Variants in CYP2E1 observed in about 807,000 individuals in gnomAD.
CYP2E1 encodes the protein cytochrome P450 2E1.
CYP2E1 carries 31 observed loss-of-function variants against 42.9 expected under a neutral mutation model. That is an observed-to-expected ratio of 0.72 (90% confidence interval 0.54 to 0.98). CYP2E1 has a LOEUF of 0.98. Among genes scored for constraint, CYP2E1 ranks in the 50% least tolerant of loss-of-function variants. CYP2E1 has a pLI of 0.00. For missense variants in CYP2E1, 565 were observed against 633.2 expected, an observed-to-expected ratio of 0.89 and a Z score of 1.16; for synonymous variants, 244 against 248.9, an observed-to-expected ratio of 0.98 and a Z score of 0.19.
chr10:133,531,753 G>C lies in CYP2E1; in HGVS notation c.487+19G>C, dbSNP rs1554902652. The C allele has an allele frequency of 2.6e-6, 4 of 1,567,100 alleles. No homozygotes were observed. The highest frequency in any genetic ancestry group is 2.6e-6 in the Non-Finnish European group (3 of 1,158,214). ...ACCCAAGGTGCGTATCTGCTGCCTA[G>C]CAGGGCCCAGTCCTCTTGCAGACCA... is the stretch of plus-strand genomic sequence containing the variant. On this transcript the variant is annotated intron_variant, in intron 3 of 8. Coordinates refer to ENST00000252945, the MANE Select transcript of CYP2E1 (RefSeq NM_000773.4).
rs902445166 is a variant in CYP2E1, at chr10:133,534,012, G to A, written c.967+115G>A. ...GAAGCTGCTTGTTAACCCTCATGGT[G>A]ATGTGGTGAGATGGCTAGATGCACT... On this transcript the variant is annotated intron_variant, in intron 6 of 8. Transcript: ENST00000252945. The A allele has an allele frequency of 1.2e-4, 128 of 1,107,174 alleles. 2 individuals are homozygous for A. The highest frequency in any genetic ancestry group is 1.1e-3 in the Middle Eastern group (5 of 4,398). 68.6% of individuals were successfully genotyped at this position (1,107,174 alleles called of 1,614,324 possible). A position where few individuals can be genotyped will look rare whatever the true frequency, so the allele number is the denominator to read the frequency against.
chr10:133,528,313 C>T, intron 1 of CYP2E1, 168 bp from the exon 2 acceptor site: 2 of 746,528 alleles, frequency 2.7e-6, no homozygotes, highest in Non-Finnish European at 4.2e-6. Context: ...GCAGCAGCCT[C>T]TTGAGGGGAG....
At chr10:133,531,541 A>T (rs1266651923) in intron 2 of CYP2E1, 44 bp from the exon 3 acceptor site, 5 of 1,611,734 alleles carry the variant, frequency 3.1e-6, no homozygotes, top group Admixed American at 1.7e-5. Context: ...TTTCTCCCCA[A>T]AATGGGTATT....
intron 2 of CYP2E1, 150 bp downstream of exon 2, chr10:133,528,790 T>C: frequency 9.1e-7 from 1 of 1,094,440 alleles, no homozygotes; most frequent in Non-Finnish European, 1.3e-6. Context: ...ATTAGGGCGA[T>C]GGCCCCCGCG....
At chr10:133,534,603 G>T (rs1339132103) in intron 6 of CYP2E1, among the ~76,000 whole-genome samples, 3 of 152,178 alleles carry the variant, frequency 2.0e-5, no homozygotes, top group Non-Finnish European at 4.4e-5. Context: ...GTGCCGGGGG[G>T]CCCAGAGCCC....
intron 7 of CYP2E1, 37 bp from the exon 8 acceptor site, chr10:133,537,714 T>C (rs1397376840): frequency 6.3e-7 from 1 of 1,589,274 alleles, no homozygotes; most frequent in Admixed American, 1.8e-5. Context: ...CACATTTTGT[T>C]AACATGACTC....
In CYP2E1 at chr10:133,537,707, A is replaced by G. The variant is rs761846732; in HGVS notation, c.1156-44A>G. 3.0e-5 allele frequency: 47 copies of G among 1,576,982 alleles called. No individual in the cohort carries two copies. In the East Asian group the frequency reaches 6.3e-4, roughly 21 times the overall value. On this transcript the variant is annotated intron_variant, in intron 7 of 8. Transcript: ENST00000252945. ...TGGGGGTTTCCAGATGAAAGCCCAC[A>G]TTTTGTTAACATGACTCACTGAGAC...
chr10:133,528,571 C>T lies in CYP2E1; in HGVS notation c.268C>T (p.Leu90=). 1.9e-6 allele frequency: 3 copies of T among 1,613,586 alleles called. No individual in the cohort carries two copies. The highest frequency in any genetic ancestry group is 1.1e-5 in the South Asian group (1 of 91,078). ...MHGYKAVKEA[L]LDYKDEFSGR... The stretch of plus-strand genomic sequence containing the variant: ...CGGCTACAAGGCGGTGAAGGAAGCG[C>T]TGCTGGACTACAAGGACGAGTTCTC... Residue 90 remains leucine, a synonymous_variant, in exon 2 of 9, where the codon CTG becomes TTG. Coordinates refer to ENST00000252945, the MANE Select transcript of CYP2E1 (RefSeq NM_000773.4).
rs1377748643 is a variant in CYP2E1 at position 133,532,691 on chromosome 10, G to T, written c.649-1G>T. The stretch of plus-strand genomic sequence containing the variant: ...AGTAAAATATTTTTTTCCCTCTCTA[G>T]CTTTACAATAATTTTCCCAGCTTTC... On this transcript the variant is annotated splice_acceptor_variant, in intron 4 of 8. Coordinates refer to ENST00000252945, the MANE Select transcript of CYP2E1 (RefSeq NM_000773.4). LOFTEE classifies it high-confidence loss of function. 2 of 1,589,006 alleles carry T rather than the reference G, an allele frequency of 1.3e-6. No homozygotes were observed. Among genetic ancestry groups the T allele is most frequent in the Admixed American group, 1.9e-5 (1 of 53,468 alleles).
chr10:133,534,938 C>T (rs941236446), intron 6 of CYP2E1, among the ~76,000 whole-genome samples: 4 of 151,622 alleles, frequency 2.6e-5, no homozygotes, highest in Non-Finnish European at 5.9e-5. Flanking sequence ...AATCATGGCT[C>T]ATTGTAGCTT....
At chr10:133,529,339 C>T (rs1851310462) in intron 2 of CYP2E1, among the ~76,000 whole-genome samples, 1 of 152,222 alleles carries the variant, frequency 6.6e-6, no homozygotes, top group Non-Finnish European at 1.5e-5. Flanking sequence ...CTTCAGACCT[C>T]AGCGAGGCGG....
chr10:133,527,664 G>A, intron 1 of CYP2E1, 92 bp downstream of exon 1: 1 of 1,035,444 alleles, frequency 9.7e-7, no homozygotes, highest in South Asian at 1.5e-5. Flanking sequence ...AATTGTGGTT[G>A]TTCAATACCA....
rs1176734765 is a variant in CYP2E1 at position 133,538,908 on chromosome 10, A to G, written c.1426A>G (p.Ile476Val). The change falls in exon 9 of 9, where the codon ATT becomes GTT. Residue 476 changes from isoleucine to valine, a missense_variant. By Grantham distance (29) the Ile-to-Val change is conservative (BLOSUM62 3). Transcript: ENST00000252945. ...GGATATCGACCTCAGCCCTATACAT[A>G]TTGGGTTTGGCTGTATCCCACCACG... ...PKDIDLSPIHIGFGCIPPRYK... is the reference protein window; with the variant it reads ...PKDIDLSPIHVGFGCIPPRYK... 1.2e-6 allele frequency: 2 copies of G among 1,613,760 alleles called. No homozygotes were observed. The highest frequency in any genetic ancestry group is 1.1e-5 in the South Asian group (1 of 91,002).
At chr10:133,535,504 T>C (rs188262864) in intron 6 of CYP2E1, among the ~76,000 whole-genome samples, 1 of 152,198 alleles carries the variant, frequency 6.6e-6, no homozygotes, top group Admixed American at 6.5e-5. Flanking sequence ...ATGTGAAGGG[T>C]GAAGGAGCCA....
Position 133,533,760 on chromosome 10 carries a change from A to T in CYP2E1, c.830A>T (p.Lys277Met). The change falls in exon 6 of 9, where the codon AAG (lysine) becomes ATG (methionine). Residue 277 changes from lysine to methionine, a missense_variant. By Grantham distance (95) the Lys-to-Met change is moderately conservative (BLOSUM62 -1). Transcript: ENST00000252945. ...GGTCTGTCTCCGGTATCACAGGAAA[A>T]GCACAGTGCAGAGCGCTTGTACACA... ...DCLLVEMEKE[K>M]HSAERLYTMD... 1 of 1,613,790 alleles carries T rather than the reference A, an allele frequency of 6.2e-7. No homozygotes were observed. Among genetic ancestry groups the T allele is most frequent in the Non-Finnish European group, 8.5e-7 (1 of 1,179,844 alleles).
At chr10:133,527,617 G>T (rs775151491) in intron 1 of CYP2E1, 45 bp downstream of exon 1, 1 of 1,493,212 alleles carries the variant, frequency 6.7e-7, no homozygotes, top group South Asian at 1.2e-5. Context: ...CTCAGCAATT[G>T]GATCTGGTAT....
At chr10:133,534,014 T>C in intron 6 of CYP2E1, 117 bp downstream of exon 6, 1 of 1,115,948 alleles carries the variant, frequency 9.0e-7, no homozygotes, top group Non-Finnish European at 1.3e-6. Flanking sequence ...CTCATGGTGA[T>C]GTGGTGAGAT....
rs371128346 is a variant in CYP2E1, at chr10:133,538,889, C to T, written c.1407C>T (p.Ile469=). 8.7e-6 allele frequency: 14 copies of T among 1,613,728 alleles called. No individual in the cohort carries two copies. The highest frequency in any genetic ancestry group is 1.7e-5 in the Admixed American group (1 of 59,976). ...AGCCTCTCGTTGACCCAAAGGATATCGACCTCAGCCCTATACATATTGGGT... is the reference window on the plus strand; with the variant it reads ...AGCCTCTCGTTGACCCAAAGGATATTGACCTCAGCCCTATACATATTGGGT... ...NLKPLVDPKD[I]DLSPIHIGFG... Residue 469 remains isoleucine (I), a synonymous_variant, in exon 9 of 9, where the codon ATC becomes ATT. Transcript: ENST00000252945.
intron 8 of CYP2E1, 32 bp downstream of exon 8, chr10:133,537,924 G>C (rs753374304): frequency 1.2e-5 from 20 of 1,603,636 alleles, no homozygotes; most frequent in Middle Eastern, 1.7e-4. Flanking sequence ...ACCTTCCCTT[G>C]AGGAGCAGCC....
Sources: allele counts gnomAD v4.1 joint callset (sites outside exome capture counted in the v4.1 genomes callset), GRCh38; gene constraint gnomAD v4.1.1; transcripts MANE v1.5; gene names NCBI Gene and HGNC (gene_info 2026-07-23, HGNC 2026-07-21).